NOS1AP: variants seen among roughly 807,000 people sequenced by gnomAD.
NOS1AP encodes carboxyl-terminal PDZ ligand of neuronal nitric oxide synthase protein.
In NOS1AP, 21 loss-of-function variants were observed where a neutral mutation model predicts 56.2. That is an observed-to-expected ratio of 0.37 (90% CI 0.26 to 0.54). The LOEUF is 0.54. Ranked by LOEUF, NOS1AP falls within the 20% of genes least tolerant of loss-of-function variation. NOS1AP has a pLI of 0.84. For missense variants in NOS1AP, 522 were observed against 657.8 expected (o/e 0.79, Z 2.26); for synonymous variants, 270 against 274.6 (o/e 0.98, Z 0.17).
At chr1:162,325,908 C>A (rs538328269) in intron 4 of NOS1AP, among the ~76,000 whole-genome samples, 1 of 152,154 alleles carries the variant, frequency 6.6e-6, no homozygotes, top group Admixed American at 6.5e-5. Context: ...CCCCTAGCCC[C>A]ACCGAGAGAT....
chr1:162,358,480 T>C (rs1018670186), intron 8 of NOS1AP, among the ~76,000 whole-genome samples: 1 of 152,142 alleles, frequency 6.6e-6, no homozygotes, highest in African/African-American at 2.4e-5. Flanking sequence ...GGATATCTCG[T>C]GATGCTAGGA....
intron 1 of NOS1AP, among the ~76,000 whole-genome samples, chr1:162,116,481 C>G (rs1469956578): frequency 6.6e-6 from 1 of 152,168 alleles, no homozygotes; most frequent in Non-Finnish European, 1.5e-5. Context: ...CCATTCAATG[C>G]TTCCTTTGTG....
intron 1 of NOS1AP, among the ~76,000 whole-genome samples, chr1:162,100,222 T>C (rs1692351438): frequency 6.6e-6 from 1 of 152,044 alleles, no homozygotes; most frequent in African/African-American, 2.4e-5. Flanking sequence ...ACTTCCACAA[T>C]GGTTGAACTA....
At chr1:162,133,982 G>A (rs61007280) in intron 1 of NOS1AP, among the ~76,000 whole-genome samples, 7,580 of 152,236 alleles carry the variant, frequency 0.05, 258 homozygotes, top group Middle Eastern at 0.082. Context: ...AGCTAACTGG[G>A]GAGGAGAGAA....
At chr1:162,215,467 T>G (rs1434351801) in intron 2 of NOS1AP, among the ~76,000 whole-genome samples, 3 of 152,238 alleles carry the variant, frequency 2.0e-5, no homozygotes, top group Non-Finnish European at 4.4e-5. Context: ...GGGTCATTGC[T>G]GTCTGCTGCT....
intron 7 of NOS1AP, 32 bp from the exon 8 acceptor site, chr1:162,356,928 A>G (rs749099913): frequency 2.5e-6 from 4 of 1,613,792 alleles, no homozygotes; most frequent in Non-Finnish European, 3.4e-6. Flanking sequence ...CTCCTGCCAC[A>G]TGTCATGTCC....
At chr1:162,213,984 C>T (rs1652456860) in intron 2 of NOS1AP, among the ~76,000 whole-genome samples, 1 of 152,138 alleles carries the variant, frequency 6.6e-6, no homozygotes, top group Non-Finnish European at 1.5e-5. Flanking sequence ...ACCTAAAATC[C>T]AGCACTGTGC....
chr1:162,201,457 G>A (rs1351839867), intron 2 of NOS1AP, among the ~76,000 whole-genome samples: 2 of 152,070 alleles, frequency 1.3e-5, no homozygotes, highest in Non-Finnish European at 2.9e-5. Context: ...ATTTTTTTGA[G>A]TATATATCCA....
In NOS1AP at chr1:162,365,415, G is replaced by A. The variant is rs2101830612; in HGVS notation, c.951G>A (p.Leu317=). ...TQVAVAQVHL[L]KDQLAAEAAA... The stretch of plus-strand genomic sequence containing the variant: ...CCTCTTCTCTGCAGGTACACTTGCT[G>A]AAGGACCAGTTGGCTGCTGAGGCTG... The change falls in exon 9 of 10, where the codon CTG becomes CTA. Residue 317 remains leucine, a synonymous_variant. Transcript: ENST00000361897. The A allele has an allele frequency of 1.9e-6, 3 of 1,614,154 alleles. No individual in the cohort carries two copies. Among genetic ancestry groups the A allele is most frequent in the South Asian group, 1.1e-5 (1 of 91,088 alleles).
chr1:162,281,831 C>T (rs1654939284), intron 2 of NOS1AP, among the ~76,000 whole-genome samples: 1 of 152,188 alleles, frequency 6.6e-6, no homozygotes, highest in South Asian at 2.1e-4. Flanking sequence ...ATAAAATTTA[C>T]CATTTTAGGC....
chr1:162,147,040 A>G (rs543482359), intron 1 of NOS1AP, among the ~76,000 whole-genome samples: 2 of 152,284 alleles, frequency 1.3e-5, no homozygotes, highest in East Asian at 3.9e-4. Flanking sequence ...TTTGATTGAT[A>G]AATACAAGGC....
intron 2 of NOS1AP, among the ~76,000 whole-genome samples, chr1:162,202,110 A>G (rs1352026293): frequency 6.6e-6 from 1 of 152,154 alleles, no homozygotes; most frequent in Non-Finnish European, 1.5e-5. Flanking sequence ...GTGGTCCCAG[A>G]AAACCTAACA....
At position 162,166,997 on chromosome 1, in the gene NOS1AP, G is replaced by C. The variant is rs192270501; in HGVS notation, c.177+12521G>C. ...TCCAGGTTGAAAACTACTGAGCAGA[G>C]CCCTGCTGCCTCTGGGTATTCTGTT... On this transcript the variant is annotated intron_variant, in intron 2 of 9. Coordinates refer to ENST00000361897, the MANE Select transcript of NOS1AP (RefSeq NM_014697.3). Among the ~76,000 whole-genome samples the C allele has an allele frequency of 3.0e-3, 464 of 152,282 alleles. 2 individuals carry two copies. The highest frequency in any genetic ancestry group is 0.01 in the African/African-American group (422 of 41,572).
chr1:162,333,353 G>A (rs1656837436), intron 5 of NOS1AP, among the ~76,000 whole-genome samples: 1 of 152,164 alleles, frequency 6.6e-6, no homozygotes, highest in Non-Finnish European at 1.5e-5. Context: ...TTGACTACGT[G>A]CTCTGGGATG....
rs563094730 is a variant in NOS1AP at position 162,233,297 on chromosome 1, C to T, written c.178-54047C>T. 2.0e-5 allele frequency among the ~76,000 whole-genome samples: 3 copies of T among 152,316 alleles called. No homozygotes were observed. In the South Asian group the frequency reaches 6.2e-4, roughly 32 times the overall value. Reference sequence around the variant, plus strand: ...GCTTGCTAAGTAGCTCCTCCCCACCCCAATGCCTGTGGCTCTTGCATGGTG... The same window carrying T: ...GCTTGCTAAGTAGCTCCTCCCCACCTCAATGCCTGTGGCTCTTGCATGGTG... On this transcript the variant is annotated intron_variant, in intron 2 of 9. Coordinates refer to ENST00000361897, the MANE Select transcript of NOS1AP (RefSeq NM_014697.3).
intron 4 of NOS1AP, among the ~76,000 whole-genome samples, chr1:162,311,076 C>G (rs1394265860): frequency 6.6e-6 from 1 of 152,124 alleles, no homozygotes; most frequent in Non-Finnish European, 1.5e-5. Context: ...CCCTCCCTTT[C>G]TTCCAAAGCC....
intron 5 of NOS1AP, among the ~76,000 whole-genome samples, chr1:162,340,607 A>G (rs1168356700): frequency 6.6e-6 from 1 of 152,182 alleles, no homozygotes; most frequent in Admixed American, 6.5e-5. Flanking sequence ...GTGCTATCAT[A>G]TATTCAGTTT....
chr1:162,154,517 G>T (rs774058375), intron 2 of NOS1AP, 41 bp downstream of exon 2: 1 of 1,600,746 alleles, frequency 6.2e-7, no homozygotes, highest in East Asian at 2.2e-5. Flanking sequence ...GGGGAGTCAA[G>T]TGCCTTAGCT....
chr1:162,107,899 GAGAT>G (rs1328627840), intron 1 of NOS1AP, among the ~76,000 whole-genome samples: 1 of 152,302 alleles, frequency 6.6e-6, no homozygotes, highest in East Asian at 1.9e-4. Flanking sequence ...CGTGTATTGT[GAGAT>G]AGAATAAACA....
Sources: gnomAD v4.1 joint callset for allele counts (sites outside exome capture counted in the v4.1 genomes callset) on GRCh38, gnomAD v4.1.1 for gene constraint, MANE v1.5 for transcripts, NCBI Gene and HGNC (gene_info 2026-07-23, HGNC 2026-07-21) for gene names.